Variants in ZNF799 observed in about 807,000 individuals in gnomAD.
ZNF799 encodes the protein zinc finger protein 799.
A neutral mutation model predicts 41.0 loss-of-function variants in ZNF799; 28 were observed. That is an observed-to-expected ratio of 0.68 (90% CI 0.51 to 0.94). The LOEUF (loss-of-function observed/expected upper bound fraction) is 0.94, where lower values mean the gene tolerates loss of function less well. ZNF799 is among the 40% of genes least tolerant of loss of function. The pLI, the probability that ZNF799 is intolerant of heterozygous loss-of-function variation, is 0.00. For missense variants in ZNF799, 716 were observed against 764.3 expected, an observed-to-expected ratio of 0.94 and a Z score of 0.74; for synonymous variants, 213 against 252.9, an observed-to-expected ratio of 0.84 and a Z score of 1.50.
chr19:12,408,115 C>G, the ZNF799 span, among the ~76,000 whole-genome samples: 12 of 152,054 alleles, frequency 7.9e-5, no homozygotes, highest in Non-Finnish European at 1.3e-4. Context: ...GATTGTGCCA[C>G]TGCACTCCAG....
Position 12,391,190 on chromosome 19 carries a change from A to G in ZNF799, c.1208T>C (p.Val403Ala). 1 of 1,614,148 alleles carries G rather than the reference A, an allele frequency of 6.2e-7. No homozygotes were observed. The change falls in exon 4 of 4, where the codon GTT becomes GCT. Residue 403 changes from valine to alanine, a missense_variant. Val to Ala is a moderately conservative substitution (Grantham distance 64, BLOSUM62 0). Transcript: ENST00000430385. Reference sequence around the variant, plus strand: ...ATGCCTTTGAAATACACTGGGATAAACAAAGGCTTTCCCACATATCTTGCA... The same window carrying G: ...ATGCCTTTGAAATACACTGGGATAAGCAAAGGCTTTCCCACATATCTTGCA... Reference protein sequence around the residue: ...HKCKICGKAFVYPSVFQRHEK... With the variant: ...HKCKICGKAFAYPSVFQRHEK...
At chr19:12,393,618 G>A in intron 1 of ZNF799, 195 bp from the exon 2 acceptor site, 1 of 1,450,892 alleles carries the variant, frequency 6.9e-7, no homozygotes, top group Non-Finnish European at 9.0e-7. Context: ...AAACATGTTT[G>A]GTAAATTAAC....
At position 12,391,487 on chromosome 19, in the gene ZNF799, G is replaced by A. The variant is rs45442691; in HGVS notation, c.911C>T (p.Thr304Ile). The A allele has an allele frequency of 9.4e-3, 15,178 of 1,614,132 alleles. 101 individuals carry two copies. Among genetic ancestry groups the A allele is most frequent in the Non-Finnish European group, 0.011 (12,990 of 1,179,988 alleles). The change falls in exon 4 of 4, where the codon ACT (threonine) becomes ATT (isoleucine). Residue 304 changes from threonine to isoleucine, a missense_variant. Around this residue, in one of 2 missense-constraint regions of ZNF799, gnomAD observed 698 missense variants for 713.6 expected, o/e 0.98. Coordinates refer to ENST00000430385, the MANE Select transcript of ZNF799 (RefSeq NM_001080821.3). ...TSLRRHETTH[T>I]DEKPYACQQC... ...CTGACATGCATAGGGTTTCTCATCA[G>A]TGTGAGTTGTTTCGTGTCTTCGAAG...
Position 12,391,784 on chromosome 19 carries a change from G to C in ZNF799, c.614C>G (p.Ala205Gly), listed in dbSNP as rs370069169. 1.2e-6 allele frequency: 2 copies of C among 1,614,030 alleles called. No individual in the cohort carries two copies. The highest frequency in any genetic ancestry group is 1.7e-6 in the Non-Finnish European group (2 of 1,179,970). Residue 205 changes from alanine (A) to glycine (G), a missense_variant, in exon 4 of 4, where the codon GCG becomes GGG. Ala to Gly is a moderately conservative substitution (Grantham distance 60). Around this residue, in one of 2 missense-constraint regions of ZNF799, gnomAD observed 698 missense variants for 713.6 expected, o/e 0.98. Coordinates refer to ENST00000430385, the MANE Select transcript of ZNF799 (RefSeq NM_001080821.3). Reference sequence around the variant, plus strand: ...ATGTAATAAACTGGGCCAAAAAAACGCTTTCCCACACAACTTACATTTATA... The same window carrying C: ...ATGTAATAAACTGGGCCAAAAAAACCCTTTCCCACACAACTTACATTTATA... The part of the protein sequence containing the change: ...GPYKCKLCGK[A>G]FFWPSLLHMH...
intron 2 of ZNF799, 132 bp from the exon 3 acceptor site, chr19:12,392,795 T>G (rs1969844585): frequency 1.5e-6 from 1 of 650,638 alleles, no homozygotes; most frequent in South Asian, 1.9e-5. Context: ...AAACAGAGGT[T>G]TGAACTGCAC....
At chr19:12,402,416 CTTTTTTTT>C (rs745521629), upstream of ZNF799, among the ~76,000 whole-genome samples, 1 of 125,048 alleles carries the variant, frequency 8.0e-6, no homozygotes, top group African/African-American at 3.0e-5. Context: ...CCCTTTATTT[CTTTTTTTT>C]TTTTTTTTTG....
At chr19:12,400,006 C>T (rs914880466) in intron 1 of ZNF799, among the ~76,000 whole-genome samples, 7 of 152,154 alleles carry the variant, frequency 4.6e-5, no homozygotes, top group Admixed American at 4.6e-4. Context: ...AACAAGATGA[C>T]AAACTAGTGA....
At chr19:12,405,219 T>TTA (rs3049622), upstream of ZNF799, among the ~76,000 whole-genome samples, 10,491 of 148,040 alleles carry the variant, frequency 0.071, 622 homozygotes, top group East Asian at 0.21. Flanking sequence ...AAACTCCCAT[T>TTA]TATATATATA....
rs1026521167 is a variant in ZNF799, at chr19:12,392,715, A to G, written c.131-52T>C. On this transcript the variant is annotated intron_variant, in intron 2 of 3. Transcript: ENST00000430385. ...TACAAATTTTTACAAAATTATAGAC[A>G]AACAGTAACATTTTGATGTACACTG... 2.8e-5 allele frequency: 39 copies of G among 1,411,978 alleles called. No homozygotes were observed. In the African/African-American group the frequency reaches 4.3e-4, roughly 15 times the overall value. 87.5% of individuals were successfully genotyped at this position (1,411,978 alleles called of 1,614,324 possible). A position where few individuals can be genotyped will look rare whatever the true frequency, so the allele number is the denominator to read the frequency against.
In ZNF799 at chr19:12,390,810, T is replaced by C. The variant is rs748428620; in HGVS notation, c.1588A>G (p.Lys530Glu). The C allele has an allele frequency of 1.2e-6, 2 of 1,614,162 alleles. No individual in the cohort carries two copies. Among genetic ancestry groups the C allele is most frequent in the South Asian group, 2.2e-5 (2 of 91,078 alleles). ...CCACATTCCTTACATTCATACGGCT[T>C]CTCTCCAGAGTGAATTCTTTCATGT... Reference protein sequence around the residue: ...KVHERIHSGEKPYECKECGKA... With the variant: ...KVHERIHSGEEPYECKECGKA... The change falls in exon 4 of 4, where the codon AAG becomes GAG. Residue 530 changes from lysine (K) to glutamate (E), a missense_variant. By Grantham distance (56) the Lys-to-Glu change is moderately conservative. This residue lies in a region of ZNF799 where 698 missense variants were observed against 713.6 expected (regional missense o/e 0.98). Coordinates refer to ENST00000430385, the MANE Select transcript of ZNF799 (RefSeq NM_001080821.3).
chr19:12,412,559 C>T, the ZNF799 span, among the ~76,000 whole-genome samples: 1 of 151,334 alleles, frequency 6.6e-6, no homozygotes, highest in Non-Finnish European at 1.5e-5. Context: ...AAAAAAAACC[C>T]ACGAAATGTC....
intron 1 of ZNF799, chr19:12,400,829 G>C (rs1440428624): frequency 1.4e-5 from 9 of 630,418 alleles, no homozygotes; most frequent in Middle Eastern, 4.3e-4. Context: ...CTGCGGGCGC[G>C]GAGCTGCCCA....
At chr19:12,405,221 A>T (rs915180221), upstream of ZNF799, among the ~76,000 whole-genome samples, 2 of 149,580 alleles carry the variant, frequency 1.3e-5, no homozygotes, top group African/African-American at 4.9e-5. Flanking sequence ...ACTCCCATTT[A>T]TATATATATA....
the ZNF799 span, among the ~76,000 whole-genome samples, chr19:12,414,071 G>A: frequency 2.1e-4 from 32 of 152,322 alleles, no homozygotes; most frequent in Middle Eastern, 3.4e-3. Context: ...CTTAGCAACA[G>A]AGCTGGGAAC....
chr19:12,392,133 C>T lies in ZNF799; in HGVS notation c.265G>A (p.Asp89Asn), dbSNP rs763444894. The change falls in exon 4 of 4, where the codon GAT becomes AAT. Residue 89 changes from aspartate (D) to asparagine (N), a missense_variant. Asp to Asn is a conservative substitution (Grantham distance 23). This residue lies in a region of ZNF799 where 698 missense variants were observed against 713.6 expected (regional missense o/e 0.98). Transcript: ENST00000430385. ...QCGETSSQIQDSIVTKNTLPG... is the reference protein window; with the variant it reads ...QCGETSSQIQNSIVTKNTLPG... ...AGAGTGTTCTTGGTCACAATACTAT[C>T]TTGAATCTGGCTAGATGTTTCTCCA... is the stretch of plus-strand genomic sequence containing the variant. The T allele has an allele frequency of 1.2e-6, 2 of 1,613,582 alleles. No homozygotes were observed. The highest frequency in any genetic ancestry group is 1.1e-5 in the South Asian group (1 of 91,012).
In ZNF799 at chr19:12,391,328, CT is replaced by C. The variant is rs1568500950; in HGVS notation, c.1069del (p.Arg357GlufsTer28). ...DCPSSLKSHERTHTGEKLYEC... is the reference protein window; with the variant it reads ...DCPSSLKSHEXTHTGEKLYEC... ...ATAGAGTTTCTCTCCAGTGTGAGTT[CT>C]TTCATGACTTTTCAGTGAACTAGGA... On this transcript the variant is annotated frameshift_variant, in exon 4 of 4. Transcript: ENST00000430385. LOFTEE classifies it high-confidence loss of function. The C allele has an allele frequency of 3.1e-6, 5 of 1,614,122 alleles. No individual in the cohort carries two copies. The highest frequency in any genetic ancestry group is 4.2e-6 in the Non-Finnish European group (5 of 1,180,004).
chr19:12,403,554 CTTTT>C (rs779716536), upstream of ZNF799, among the ~76,000 whole-genome samples: 5 of 144,314 alleles, frequency 3.5e-5, no homozygotes, highest in Non-Finnish European at 7.7e-5. Context: ...TCTTCTTCTT[CTTTT>C]TTTTTTTGAT....
At chr19:12,407,114 A>G in the ZNF799 span, among the ~76,000 whole-genome samples, 1 of 152,266 alleles carries the variant, frequency 6.6e-6, no homozygotes, top group South Asian at 2.1e-4. Flanking sequence ...TGACTGGTAT[A>G]CCTGCCTTGC....
At chr19:12,400,953 C>A (rs1378688163) in intron 1 of ZNF799, 115 bp downstream of exon 1, 2 of 1,594,774 alleles carry the variant, frequency 1.3e-6, no homozygotes, top group East Asian at 4.5e-5. Context: ...CAGGGGAACC[C>A]GGGTCCGTAG....
Sources: allele counts gnomAD v4.1 joint callset (sites outside exome capture counted in the v4.1 genomes callset), GRCh38; gene constraint gnomAD v4.1.1; regional missense constraint gnomAD v4.1.1; transcripts MANE v1.5; gene names NCBI Gene and HGNC (gene_info 2026-07-23, HGNC 2026-07-21).